Variants in NBPF11 observed in about 807,000 individuals in gnomAD.
NBPF11 encodes NBPF family member NBPF11.
In NBPF11, 72 loss-of-function variants were observed where a neutral mutation model predicts 93.9. The observed-to-expected ratio is 0.77, with a 90% confidence interval of 0.63 to 0.93. The LOEUF is 0.93. NBPF11 is among the 40% of genes least tolerant of loss of function. NBPF11 has a pLI of 0.00. For synonymous variants in NBPF11, 224 were observed against 304.9 expected, an observed-to-expected ratio of 0.73 and a Z score of 2.76; for missense variants, 705 against 802.2, an observed-to-expected ratio of 0.88 and a Z score of 1.46.
chr1:148,126,245 C>T (rs1163871005), intron 5 of NBPF11, among the ~76,000 whole-genome samples: 8 of 151,926 alleles, frequency 5.3e-5, no homozygotes, highest in East Asian at 1.9e-4. Context: ...GTCCTCTGCC[C>T]GCCTCAGCCT....
intron 1 of NBPF11, among the ~76,000 whole-genome samples, chr1:148,144,037 G>A (rs1437108769): frequency 2.0e-5 from 3 of 151,578 alleles, no homozygotes; most frequent in Non-Finnish European, 4.4e-5. Flanking sequence ...AGCCTGGGGG[G>A]AAAAAAATAG....
At chr1:148,131,286 A>T (rs1670294963) in intron 4 of NBPF11, among the ~76,000 whole-genome samples, 1 of 151,556 alleles carries the variant, frequency 6.6e-6, no homozygotes, top group African/African-American at 2.4e-5. Flanking sequence ...GGCATTCTTA[A>T]CAGGAGCCAT....
chr1:148,135,910 C>G, intron 3 of NBPF11, 97 bp from the exon 4 acceptor site: 1 of 852,794 alleles, frequency 1.2e-6, no homozygotes, highest in Non-Finnish European at 1.9e-6. Flanking sequence ...CTTGAGTGCC[C>G]TGTGTGGCCT....
intron 9 of NBPF11, among the ~76,000 whole-genome samples, chr1:148,121,476 T>G (rs1233854819): frequency 6.6e-6 from 1 of 150,602 alleles, no homozygotes; most frequent in Admixed American, 6.6e-5. Context: ...GCCTCCTGAG[T>G]AGCTGGGACT....
chr1:148,115,070 C>T (rs1253601879), intron 14 of NBPF11, among the ~76,000 whole-genome samples: 1 of 124,700 alleles, frequency 8.0e-6, no homozygotes, highest in East Asian at 2.6e-4. Flanking sequence ...GAGGCTGAGG[C>T]AGGAGAATCA....
Position 148,122,456 on chromosome 1 carries a change from G to A in NBPF11, c.567-190C>T, listed in dbSNP as rs1434175427. 8.0e-4 allele frequency among the ~76,000 whole-genome samples: 122 copies of A among 152,222 alleles called. 1 individual carries two copies. The East Asian group carries it at 0.023, about 28-fold the overall frequency. ...GAGCTTCGCTGCCATGGGAGCCAGAGAGGAAGAGAGCAGCTGGTGTTCAGT... is the reference window on the plus strand; with the variant it reads ...GAGCTTCGCTGCCATGGGAGCCAGAAAGGAAGAGAGCAGCTGGTGTTCAGT... On this transcript the variant is annotated intron_variant, in intron 8 of 23. Coordinates refer to ENST00000682118, the MANE Select transcript of NBPF11 (RefSeq NM_001385469.3).
Position 148,103,507 on chromosome 1 carries a change from G to C in NBPF11, c.*389C>G, listed in dbSNP as rs1662768408. 2 of 1,330,658 alleles carry C rather than the reference G, an allele frequency of 1.5e-6. No individual in the cohort carries two copies. The highest frequency in any genetic ancestry group is 1.5e-5 in the African/African-American group (1 of 68,260). The allele number at this position is 1,330,658 out of a possible 1,614,324, so 82.4% of individuals were successfully genotyped here. On this transcript the variant is annotated 3_prime_UTR_variant, in exon 24 of 24. Coordinates refer to ENST00000682118, the MANE Select transcript of NBPF11 (RefSeq NM_001385469.3). ...CGTGGGTCCATTGTCTTCAGACTGA[G>C]CACAGGTTGCCACTGGCATGCTCTG...
chr1:148,146,473 G>A (rs1416631492), intron 1 of NBPF11: 29 of 1,604,384 alleles, frequency 1.8e-5, no homozygotes, highest in Non-Finnish European at 2.1e-5. Flanking sequence ...TGCCAAGCTC[G>A]CCTTCCTGCC....
At chr1:148,127,069 G>T in intron 4 of NBPF11, 31 bp from the exon 5 acceptor site, 1 of 524,314 alleles carries the variant, frequency 1.9e-6, no homozygotes, top group Non-Finnish European at 3.2e-6. Context: ...CATATGATGG[G>T]TTAAAAACTG....
chr1:148,124,984 C>A lies in NBPF11; in HGVS notation c.193G>T (p.Asp65Tyr). ...QKKYKYEECK[D>Y]LIKFMLRNER... ...TTCCTCAGCATAAATTTTATGAGGT[C>A]TTTACACTCTTCATACTCTGAGAAA... is the stretch of plus-strand genomic sequence containing the variant. Residue 65 changes from aspartate to tyrosine, a missense_variant, in exon 6 of 24, where the codon GAC becomes TAC. This residue lies in a region of NBPF11 where 128 missense variants were observed against 112.8 expected (regional missense o/e 1.14). Coordinates refer to ENST00000682118, the MANE Select transcript of NBPF11 (RefSeq NM_001385469.3). The A allele has an allele frequency of 6.3e-7, 1 of 1,594,076 alleles. No homozygotes were observed. Among genetic ancestry groups the A allele is most frequent in the Non-Finnish European group, 8.6e-7 (1 of 1,166,232 alleles).
At chr1:148,141,952 TGAGAGA>T (rs369144362) in intron 2 of NBPF11, among the ~76,000 whole-genome samples, 1 of 135,662 alleles carries the variant, frequency 7.4e-6, no homozygotes, top group South Asian at 2.3e-4. Context: ...AGAGAGAGCA[TGAGAGA>T]GAGAGAAAGA....
In NBPF11 at chr1:148,146,977, G is replaced by T. The variant is rs1333336104; in HGVS notation, c.-548-3291C>A. The T allele has an allele frequency of 3.4e-4, 510 of 1,481,104 alleles. 1 individual carries two copies. Among genetic ancestry groups the T allele is most frequent in the Non-Finnish European group, 4.3e-4 (471 of 1,102,782 alleles). 91.7% of individuals were successfully genotyped at this position (1,481,104 alleles called of 1,614,324 possible). ...GGGCACACCCAAGAGGGGACCAGGC[G>T]GGGGGCCGGGGGGCGGGCTTCCCTG... On this transcript the variant is annotated intron_variant, in intron 1 of 23. Transcript: ENST00000682118.
intron 1 of NBPF11, chr1:148,146,733 G>T (rs1432645822): frequency 1.2e-6 from 2 of 1,612,298 alleles, no homozygotes; most frequent in East Asian, 4.5e-5. Context: ...CCAGGTACAC[G>T]GTCCTCTTCT....
At chr1:148,122,407 G>A in intron 8 of NBPF11, 141 bp from the exon 9 acceptor site, 2 of 1,405,050 alleles carry the variant, frequency 1.4e-6, no homozygotes, top group East Asian at 2.3e-5. Flanking sequence ...AGAGGGAACA[G>A]GCAATCCTCT....
intron 9 of NBPF11, among the ~76,000 whole-genome samples, chr1:148,121,531 A>G (rs1166069047): frequency 6.7e-6 from 1 of 148,834 alleles, no homozygotes; most frequent in Non-Finnish European, 1.5e-5. Context: ...TTTTTTTTGT[A>G]TTTTTAGTAA....
In NBPF11 at chr1:148,149,468, G is replaced by A. The variant is rs1361584339; in HGVS notation, c.-549+2282C>T. 4.4e-6 allele frequency: 7 copies of A among 1,590,648 alleles called. No individual in the cohort carries two copies. In the African/African-American group the frequency reaches 9.5e-5, roughly 22 times the overall value. On this transcript the variant is annotated intron_variant, in intron 1 of 23. Transcript: ENST00000682118. ...CCCCAAGGCGGTGGAGCCGCTGTGG[G>A]TGGAGGGCGCCGGGCACAACGACAT...
At chr1:148,129,220 A>G (rs1416106253) in intron 4 of NBPF11, among the ~76,000 whole-genome samples, 1 of 147,190 alleles carries the variant, frequency 6.8e-6, no homozygotes, top group Non-Finnish European at 1.5e-5. Flanking sequence ...ACACACGAAT[A>G]TATATTATAT....
chr1:148,119,353 G>C (rs1245524277), intron 10 of NBPF11, among the ~76,000 whole-genome samples: 1 of 152,046 alleles, frequency 6.6e-6, no homozygotes, highest in Non-Finnish European at 1.5e-5. Flanking sequence ...TGTTTACTCT[G>C]TGCCAATAAA....
At chr1:148,131,129 G>C (rs1324319073) in intron 4 of NBPF11, among the ~76,000 whole-genome samples, 27 of 149,900 alleles carry the variant, frequency 1.8e-4, no homozygotes, top group Non-Finnish European at 2.5e-4. Context: ...TGTTTCAGTA[G>C]CGACTGAGTG....
Sources: allele counts gnomAD v4.1 joint callset (sites outside exome capture counted in the v4.1 genomes callset), GRCh38; gene constraint gnomAD v4.1.1; regional missense constraint gnomAD v4.1.1; transcripts MANE v1.5; gene names NCBI Gene and HGNC (gene_info 2026-07-23, HGNC 2026-07-21).